The following ZNF444 variants were observed in gnomAD, a reference collection of about 807,000 sequenced individuals.
The protein encoded by ZNF444 is zinc finger protein 444.
Under a neutral mutation model 14.4 loss-of-function variants are expected in ZNF444, and 8 were observed. That is an observed-to-expected ratio of 0.56 (90% CI 0.33 to 1.00). The LOEUF (loss-of-function observed/expected upper bound fraction) is 1.00, where lower values mean the gene tolerates loss of function less well. Ranked by LOEUF, ZNF444 falls within the 50% of genes least tolerant of loss-of-function variation. The pLI is 0.03. For missense variants in ZNF444, 510 were observed against 504.8 expected (o/e 1.01, Z -0.10); for synonymous variants, 258 against 235.9 (o/e 1.09, Z -0.86).
At chr19:56,148,086 T>C (rs59848458) in intron 3 of ZNF444, among the ~76,000 whole-genome samples, 4,723 of 152,318 alleles carry the variant, frequency 0.031, 85 homozygotes, top group Non-Finnish European at 0.038. Flanking sequence ...ATCTTAAGTG[T>C]TCTAGTCAGC....
chr19:56,138,937 C>T (rs1315051941), upstream of ZNF444, among the ~76,000 whole-genome samples: 1 of 151,020 alleles, frequency 6.6e-6, no homozygotes, highest in African/African-American at 2.4e-5. Context: ...GCTGGGATTA[C>T]AGGTGCCCGC....
chr19:56,137,555 T>C (rs147983423), upstream of ZNF444, among the ~76,000 whole-genome samples: 1,448 of 152,306 alleles, frequency 9.5e-3, 24 homozygotes, highest in African/African-American at 0.033. Context: ...ATCGAGAGCC[T>C]GTGTGAACCC....
intron 3 of ZNF444, among the ~76,000 whole-genome samples, chr19:56,148,053 G>A (rs114060697): frequency 0.026 from 3,891 of 152,276 alleles, 158 homozygotes; most frequent in African/African-American, 0.09. Context: ...GTCGGGGGAT[G>A]TGTTATGTGA....
rs559682716 is a variant in ZNF444, at chr19:56,145,204, C to T, written c.-196-1043C>T. ...CAAAATTACTGAAGACCCTAACATG[C>T]TTTTATTGATGGGAGTCATATCTAT... On this transcript the variant is annotated intron_variant, in intron 1 of 4. Coordinates refer to ENST00000337080, the MANE Select transcript of ZNF444 (RefSeq NM_018337.4). The surrounding 1 kb of genome is among the most constrained non-coding windows in gnomAD (Gnocchi z 4.3). Among the ~76,000 whole-genome samples, 9 of 152,366 alleles carry T rather than the reference C, an allele frequency of 5.9e-5. No individual in the cohort carries two copies. Among genetic ancestry groups the T allele is most frequent in the Middle Eastern group, 6.8e-3 (2 of 294 alleles).
chr19:56,144,494 GA>G lies in ZNF444; in HGVS notation c.-196-1748del, dbSNP rs1404121067. ...CAAGGAAGTGACAGGGATTTACAGT[GA>G]AAAAGTTTTTGTGATCACTGTGGAG... is the stretch of plus-strand genomic sequence containing the variant. On this transcript the variant is annotated intron_variant, in intron 1 of 4. Transcript: ENST00000337080. The surrounding 1 kb of genome is among the most constrained non-coding windows in gnomAD (Gnocchi z 4.0). Among the ~76,000 whole-genome samples the G allele has an allele frequency of 6.6e-6, 1 of 152,096 alleles. No homozygotes were observed. Among genetic ancestry groups the G allele is most frequent in the Non-Finnish European group, 1.5e-5 (1 of 68,000 alleles).
upstream of ZNF444, among the ~76,000 whole-genome samples, chr19:56,137,431 C>T (rs182287659): frequency 0.011 from 1,691 of 151,938 alleles, 17 homozygotes; most frequent in Middle Eastern, 0.034. Flanking sequence ...GATCAAGCTA[C>T]TACACTCCAG....
Position 56,159,764 on chromosome 19 carries a change from G to T in ZNF444, c.547G>T (p.Glu183Ter). ...GGCCCCGGGCACCACGTCCTGCCCC[G>T]AGTGCGGCAAAACGTCCCTGAAACC... ...LAAPGTTSCP[E>*]CGKTSLKPAH... Residue 183 changes from glutamate (E) to a stop codon, truncating the protein, a stop_gained, in exon 5 of 5, where the codon GAG (glutamate) becomes TAG (stop). Transcript: ENST00000337080. LOFTEE classifies it low-confidence loss of function (END_TRUNC). 1 of 1,592,690 alleles carries T rather than the reference G, an allele frequency of 6.3e-7. No individual in the cohort carries two copies.
upstream of ZNF444, among the ~76,000 whole-genome samples, chr19:56,138,342 C>T (rs75342253): frequency 6.1e-3 from 918 of 151,614 alleles, 7 homozygotes; most frequent in African/African-American, 0.017. Context: ...ATCACAGAAA[C>T]TGGGCTGGGC....
rs1025404218 is a variant in ZNF444 at position 56,159,679 on chromosome 19, C to A, written c.462C>A (p.Arg154=). 6.6e-7 allele frequency: 1 copy of A among 1,525,034 alleles called. No homozygotes were observed. Among genetic ancestry groups the A allele is most frequent in the African/African-American group, 1.4e-5 (1 of 72,020 alleles). The allele number at this position is 1,525,034 out of a possible 1,614,324, so 94.5% of individuals were successfully genotyped here. The change falls in exon 5 of 5, where the codon CGC becomes CGA. Residue 154 remains arginine, a synonymous_variant. Transcript: ENST00000337080. ...GPAPGDSQAV[R]PYKQEPSSPP... ...CGCCTGGGGACTCCCAGGCTGTGCG[C>A]CCCTACAAGCAGGAGCCCAGCAGCC...
intron 3 of ZNF444, chr19:56,150,803 A>G: frequency 2.3e-6 from 1 of 427,940 alleles, no homozygotes; most frequent in Non-Finnish European, 4.6e-6. Flanking sequence ...TGACGCATAG[A>G]CAGCTGACAT....
At position 56,160,443 on chromosome 19, in the gene ZNF444, C is replaced by G. The variant is rs2032224797; in HGVS notation, c.*242C>G. On this transcript the variant is annotated 3_prime_UTR_variant, in exon 5 of 5. Coordinates refer to ENST00000337080, the MANE Select transcript of ZNF444 (RefSeq NM_018337.4). The stretch of plus-strand genomic sequence containing the variant: ...CCCCTTCTCCCTGATTTCTCGGCCT[C>G]TCTCTCTGTGTGAAGGGGCCTCTCC... The G allele has an allele frequency of 2.1e-6, 1 of 474,892 alleles. No individual in the cohort carries two copies. Among genetic ancestry groups the G allele is most frequent in the Non-Finnish European group, 3.7e-6 (1 of 271,688 alleles). The allele number at this position is 474,892 out of a possible 1,614,324, so 29.4% of individuals were successfully genotyped here.
At position 56,160,503 on chromosome 19, in the gene ZNF444, T is replaced by G; in HGVS notation, c.*302T>G. ...CCTCCTTCCCCCCTCTTCTCTCTCC[T>G]GCGGCCCAGCCTCCCTCTCCCTCCT... On this transcript the variant is annotated 3_prime_UTR_variant, in exon 5 of 5. Coordinates refer to ENST00000337080, the MANE Select transcript of ZNF444 (RefSeq NM_018337.4). The G allele has an allele frequency of 6.0e-6, 2 of 334,634 alleles. No homozygotes were observed. Among genetic ancestry groups the G allele is most frequent in the Non-Finnish European group, 5.4e-6 (1 of 183,942 alleles). The allele number at this position is 334,634 out of a possible 1,614,324, so 20.7% of individuals were successfully genotyped here.
rs2031081665 is a variant in ZNF444 at position 56,145,007 on chromosome 19, CCT to C, written c.-196-1239_-196-1238del. ...GGACAGCCTTACAGGCCACCCAGGC[CCT>C]GTCACAGCCACTCGGTAGCTCCAAG... is the stretch of plus-strand genomic sequence containing the variant. On this transcript the variant is annotated intron_variant, in intron 1 of 4. Transcript: ENST00000337080. This position sits in a 1 kb window ranked among gnomAD's most constrained non-coding sequence, Gnocchi z 4.3. Among the ~76,000 whole-genome samples, 1 of 152,184 alleles carries C rather than the reference CCT, an allele frequency of 6.6e-6. No homozygotes were observed. Among genetic ancestry groups the C allele is most frequent in the Non-Finnish European group, 1.5e-5 (1 of 68,038 alleles).
intron 1 of ZNF444, among the ~76,000 whole-genome samples, chr19:56,143,851 G>C (rs1345030273): frequency 6.6e-6 from 1 of 152,172 alleles, no homozygotes; most frequent in Non-Finnish European, 1.5e-5. Flanking sequence ...AGCATCGGAG[G>C]GGGTGATCTG....
At chr19:56,156,736 C>G (rs1054763660) in intron 3 of ZNF444, 7 of 152,196 alleles carry the variant, frequency 4.6e-5, no homozygotes, top group Admixed American at 2.0e-4. Context: ...TGGACAGAGC[C>G]CAATGTATAC....
chr19:56,135,180 G>A (rs1419051921), intron 1 of ZNF444, among the ~76,000 whole-genome samples: 2 of 152,100 alleles, frequency 1.3e-5, no homozygotes, highest in African/African-American at 2.4e-5. Flanking sequence ...GCTGTGAGCC[G>A]AGATCGCGCC....
chr19:56,144,031 G>A lies in ZNF444; in HGVS notation c.-196-2216G>A, dbSNP rs546551309. 3.0e-4 allele frequency among the ~76,000 whole-genome samples: 46 copies of A among 152,290 alleles called. 2 individuals are homozygous for A. The South Asian group carries it at 8.9e-3, about 29-fold the overall frequency. On this transcript the variant is annotated intron_variant, in intron 1 of 4. Coordinates refer to ENST00000337080, the MANE Select transcript of ZNF444 (RefSeq NM_018337.4). The surrounding 1 kb of genome is among the most constrained non-coding windows in gnomAD (Gnocchi z 4.0). Reference sequence around the variant, plus strand: ...AAGAAGATAGAAAGTGAGCCAGACCGGGCACAGTGGCTCACTCCTGTAATC... The same window carrying A: ...AAGAAGATAGAAAGTGAGCCAGACCAGGCACAGTGGCTCACTCCTGTAATC...
At chr19:56,153,350 T>G (rs2031701277) in intron 3 of ZNF444, among the ~76,000 whole-genome samples, 1 of 152,210 alleles carries the variant, frequency 6.6e-6, no homozygotes. Context: ...GGTTGGGGCC[T>G]TGTCTTTTGT....
chr19:56,160,320 T>C lies in ZNF444; in HGVS notation c.*119T>C, dbSNP rs778198743. The C allele has an allele frequency of 3.2e-4, 250 of 789,436 alleles. No individual in the cohort carries two copies. The highest frequency in any genetic ancestry group is 4.4e-4 in the Non-Finnish European group (239 of 544,386). The allele number at this position is 789,436 out of a possible 1,614,324, so 48.9% of individuals were successfully genotyped here. Reference sequence around the variant, plus strand: ...TTCCCTCCCATCGTCCTCCTCCACCTGCGCCTCCCTTGTCTGAACTTCCCA... The same window carrying C: ...TTCCCTCCCATCGTCCTCCTCCACCCGCGCCTCCCTTGTCTGAACTTCCCA... On this transcript the variant is annotated 3_prime_UTR_variant, in exon 5 of 5. Transcript: ENST00000337080.
Sources: gnomAD v4.1 joint callset for allele counts (sites outside exome capture counted in the v4.1 genomes callset) on GRCh38, gnomAD v4.1.1 for gene constraint, Gnocchi (gnomAD v3.1) non-coding constraint, MANE v1.5 for transcripts, NCBI Gene and HGNC (gene_info 2026-07-23, HGNC 2026-07-21) for gene names.